Variants in XIRP2 observed in about 807,000 individuals in gnomAD.
The protein encoded by XIRP2 is xin actin binding repeat containing 2, also known as xin actin-binding repeat-containing protein 2.
XIRP2 carries 236 observed loss-of-function variants against 277.0 expected under a neutral mutation model. That is an observed-to-expected ratio of 0.85 (90% CI 0.77 to 0.95). The LOEUF (loss-of-function observed/expected upper bound fraction) is 0.95. XIRP2 is among the 40% of genes least tolerant of loss of function. XIRP2 has a pLI of 0.00. For synonymous variants in XIRP2, 1,490 were observed against 1,416.5 expected (o/e 1.05, Z -1.17); for missense variants, 4,640 against 4,157.5 (o/e 1.12, Z -3.19).
intron 2 of XIRP2, among the ~76,000 whole-genome samples, chr2:167,024,325 G>A (rs1688086012): frequency 6.6e-6 from 1 of 152,218 alleles, no homozygotes; most frequent in South Asian, 2.1e-4. Flanking sequence ...CTTTGCTGAA[G>A]TTGCTTATCA....
At position 167,168,722 on chromosome 2, in the gene XIRP2, C is replaced by T. The variant is rs552167929; in HGVS notation, c.562+32660C>T. ...CTCCGCCTCCCGGGTTCACACCATT[C>T]TCCTGCCTCAGCCTCCCAAGTAGCT... On this transcript the variant is annotated intron_variant, in intron 3 of 10. Coordinates refer to ENST00000409195, the MANE Select transcript of XIRP2 (RefSeq NM_152381.6). Among the ~76,000 whole-genome samples the T allele has an allele frequency of 2.0e-5, 3 of 152,330 alleles. No individual in the cohort carries two copies. The East Asian group carries it at 5.8e-4, about 29-fold the overall frequency.
intron 2 of XIRP2, among the ~76,000 whole-genome samples, chr2:167,046,890 G>GT (rs1464786110): frequency 1.3e-5 from 2 of 151,660 alleles, no homozygotes; most frequent in Non-Finnish European, 2.9e-5. Context: ...ATTTATTCAT[G>GT]TAACAAACCT....
Position 167,251,179 on chromosome 2 carries a change from A to G in XIRP2, c.9787A>G (p.Arg3263Gly), listed in dbSNP as rs1282737587. Reference protein sequence around the residue: ...RESVDAQEEIRKVEKRATYVH... With the variant: ...RESVDAQEEIGKVEKRATYVH... ...ATCTGTGGACGCTCAAGAGGAAATC[A>G]GGAAAGTGGAGAAGAGAGCTACTTA... The change falls in exon 9 of 11, where the codon AGG (arginine) becomes GGG (glycine). Residue 3263 changes from arginine to glycine, a missense_variant. By Grantham distance (125) the Arg-to-Gly change is moderately radical (BLOSUM62 -2). Coordinates refer to ENST00000409195, the MANE Select transcript of XIRP2 (RefSeq NM_152381.6). 6.2e-7 allele frequency: 1 copy of G among 1,613,430 alleles called. No individual in the cohort carries two copies. Among genetic ancestry groups the G allele is most frequent in the African/African-American group, 1.3e-5 (1 of 74,890 alleles).
chr2:167,023,248 G>A (rs1473914843), intron 2 of XIRP2, among the ~76,000 whole-genome samples: 1 of 152,138 alleles, frequency 6.6e-6, no homozygotes, highest in Admixed American at 6.6e-5. Flanking sequence ...CTGCATAAAT[G>A]TCTTCTTTTG....
chr2:166,892,964 A>C (rs1482366744), intron 1 of XIRP2, among the ~76,000 whole-genome samples: 1 of 143,316 alleles, frequency 7.0e-6, no homozygotes, highest in Non-Finnish European at 1.5e-5. Context: ...GTGTATATAC[A>C]TATATATATA....
chr2:166,903,714 A>T lies in XIRP2; in HGVS notation c.232A>T (p.Lys78Ter), dbSNP rs538033982. The T allele has an allele frequency of 3.6e-5, 58 of 1,613,638 alleles. No individual in the cohort carries two copies. In the East Asian group the frequency reaches 1.2e-3, roughly 34 times the overall value. Reference protein sequence around the residue: ...EEMWSSKPEEKDSVDKSNNTR... With the variant: ...EEMWSSKPEE ...GATGTGGAGTTCGAAGCCGGAAGAG[A>T]AGGATTCTGTGGACAAGAGTAACAA... is the stretch of plus-strand genomic sequence containing the variant. Residue 78 changes from lysine (K) to a stop codon, truncating the protein, a stop_gained, in exon 2 of 11, where the codon AAG becomes TAG. Transcript: ENST00000409195. LOFTEE classifies it high-confidence loss of function.
chr2:166,942,351 C>T (rs1468808903), intron 2 of XIRP2, among the ~76,000 whole-genome samples: 1 of 152,142 alleles, frequency 6.6e-6, no homozygotes, highest in African/African-American at 2.4e-5. Flanking sequence ...TTTTGTGTAG[C>T]CCACATGCTT....
intron 2 of XIRP2, among the ~76,000 whole-genome samples, chr2:167,083,990 G>T (rs989778070): frequency 6.6e-6 from 1 of 151,172 alleles, no homozygotes; most frequent in African/African-American, 2.4e-5. Flanking sequence ...GAATAGGAGT[G>T]GTGAGAGAGG....
rs532989587 is a variant in XIRP2, at chr2:167,090,614, A to C, written c.409-45295A>C. Among the ~76,000 whole-genome samples, 6 of 152,286 alleles carry C rather than the reference A, an allele frequency of 3.9e-5. No homozygotes were observed. The East Asian group carries it at 1.2e-3, about 29-fold the overall frequency. On this transcript the variant is annotated intron_variant, in intron 2 of 10. Coordinates refer to ENST00000409195, the MANE Select transcript of XIRP2 (RefSeq NM_152381.6). ...TGTTTAAAAGAGATTTATTTAGCTC[A>C]TGTTTTGCAGGCTGAGAAGCCTAGG...
chr2:166,945,236 C>G (rs1231622085), intron 2 of XIRP2, among the ~76,000 whole-genome samples: 2 of 152,114 alleles, frequency 1.3e-5, no homozygotes, highest in East Asian at 3.9e-4. Context: ...AAGCAAATAG[C>G]TACACATTCC....
At chr2:166,944,359 G>T (rs1278806639) in intron 2 of XIRP2, among the ~76,000 whole-genome samples, 5 of 152,154 alleles carry the variant, frequency 3.3e-5, no homozygotes, top group Non-Finnish European at 2.9e-5. Context: ...TTGCCTCATA[G>T]AAGTCAACTT....
intron 2 of XIRP2, among the ~76,000 whole-genome samples, chr2:167,087,694 G>C (rs1690003381): frequency 6.6e-6 from 1 of 152,216 alleles, no homozygotes; most frequent in Admixed American, 6.5e-5. Flanking sequence ...GGGTGGCAGT[G>C]ACCCGATTTT....
In XIRP2 at chr2:167,251,021, A is replaced by G; in HGVS notation, c.9629A>G (p.Lys3210Arg). 1 of 1,613,668 alleles carries G rather than the reference A, an allele frequency of 6.2e-7. No individual in the cohort carries two copies. Among genetic ancestry groups the G allele is most frequent in the Non-Finnish European group, 8.5e-7 (1 of 1,179,726 alleles). ...GCAACCCCGGTTCCAATTGTAGAGA[A>G]GAGGTCTGAAATCATCATGTCTCCT... ...PAATPVPIVE[K>R]RSEIIMSPAT... Residue 3210 changes from lysine (K) to arginine (R), a missense_variant, in exon 9 of 11, where the codon AAG becomes AGG. Transcript: ENST00000409195.
chr2:167,114,840 A>C lies in XIRP2; in HGVS notation c.409-21069A>C, dbSNP rs189574191. Among the ~76,000 whole-genome samples, 226 of 152,204 alleles carry C rather than the reference A, an allele frequency of 1.5e-3. 1 individual carries two copies. Among genetic ancestry groups the C allele is most frequent in the Non-Finnish European group, 2.8e-3 (189 of 68,018 alleles). On this transcript the variant is annotated intron_variant, in intron 2 of 10. Coordinates refer to ENST00000409195, the MANE Select transcript of XIRP2 (RefSeq NM_152381.6). ...TGTGCCACATTTTCTTACTCAGTCT[A>C]TCATTGTTGGACATTTGGGTTGGTT...
chr2:167,198,628 A>C (rs1224668030), intron 3 of XIRP2, among the ~76,000 whole-genome samples: 1 of 152,218 alleles, frequency 6.6e-6, no homozygotes, highest in Admixed American at 6.5e-5. Flanking sequence ...AGATGAAGTA[A>C]TTAAAGGCCA....
intron 2 of XIRP2, among the ~76,000 whole-genome samples, chr2:167,110,438 T>A (rs1193869998): frequency 6.6e-6 from 1 of 152,206 alleles, no homozygotes; most frequent in Non-Finnish European, 1.5e-5. Context: ...CCTTTCTTCA[T>A]TGCTTGTTTT....
At chr2:167,196,914 A>T (rs577109929) in intron 3 of XIRP2, among the ~76,000 whole-genome samples, 1 of 152,236 alleles carries the variant, frequency 6.6e-6, no homozygotes, top group South Asian at 2.1e-4. Context: ...TGGGGAGGCT[A>T]GTTATTTTCT....
At chr2:166,928,322 C>A (rs896437627) in intron 2 of XIRP2, among the ~76,000 whole-genome samples, 11 of 152,072 alleles carry the variant, frequency 7.2e-5, no homozygotes, top group African/African-American at 2.4e-4. Context: ...AGCCAGTGAG[C>A]ACCACTGAGC....
intron 2 of XIRP2, among the ~76,000 whole-genome samples, chr2:167,116,459 A>C (rs1481341703): frequency 6.6e-6 from 1 of 152,144 alleles, no homozygotes; most frequent in Admixed American, 6.6e-5. Context: ...AGGTACTCCT[A>C]CTTTCTTTTG....
Sources: gnomAD v4.1 joint callset for allele counts (sites outside exome capture counted in the v4.1 genomes callset) on GRCh38, gnomAD v4.1.1 for gene constraint, MANE v1.5 for transcripts, NCBI Gene and HGNC (gene_info 2026-07-23, HGNC 2026-07-21) for gene names.